Variants in POLR3G observed in about 807,000 individuals in gnomAD.
The protein encoded by POLR3G is DNA-directed RNA polymerase III subunit RPC7.
In POLR3G, 28 loss-of-function variants were observed where a neutral mutation model predicts 30.1. The ratio of observed to expected loss-of-function variants is 0.93; its 90% CI spans 0.69 to 1.27. The LOEUF (loss-of-function observed/expected upper bound fraction) is 1.27, where lower values mean the gene tolerates loss of function less well. Ranked by LOEUF, POLR3G falls within the 50% of genes most tolerant of loss-of-function variation. The pLI is 0.00. For missense variants in POLR3G, 254 were observed against 264.6 expected, an observed-to-expected ratio of 0.96 and a Z score of 0.28; for synonymous variants, 79 against 82.5, an observed-to-expected ratio of 0.96 and a Z score of 0.23.
chr5:90,492,356 G>A (rs932025149), intron 3 of POLR3G, among the ~76,000 whole-genome samples: 2 of 152,110 alleles, frequency 1.3e-5, no homozygotes, highest in African/African-American at 2.4e-5. Context: ...AAAATGAGAC[G>A]ATCATTTTTG....
chr5:90,476,625 A>T (rs1750838105), intron 1 of POLR3G, among the ~76,000 whole-genome samples: 1 of 152,228 alleles, frequency 6.6e-6, no homozygotes, highest in Admixed American at 6.5e-5. Flanking sequence ...TGAGCTCAGC[A>T]ATAATTTATC....
intron 5 of POLR3G, among the ~76,000 whole-genome samples, chr5:90,499,867 A>G (rs1007633111): frequency 6.6e-5 from 10 of 152,008 alleles, no homozygotes; most frequent in Non-Finnish European, 1.2e-4. Flanking sequence ...AAATATGACA[A>G]TTTATCTTCT....
intron 7 of POLR3G, among the ~76,000 whole-genome samples, chr5:90,510,354 G>A (rs566640226): frequency 6.6e-6 from 1 of 152,114 alleles, no homozygotes; most frequent in East Asian, 1.9e-4. Context: ...CTCCAGCCTG[G>A]GTGACAAGAG....
chr5:90,476,007 G>A (rs1750795039), intron 1 of POLR3G, among the ~76,000 whole-genome samples: 1 of 152,130 alleles, frequency 6.6e-6, no homozygotes, highest in Admixed American at 6.5e-5. Flanking sequence ...CACTACACCC[G>A]GCCAGAAGCA....
chr5:90,485,042 C>T (rs979882040), intron 1 of POLR3G, among the ~76,000 whole-genome samples: 7 of 151,906 alleles, frequency 4.6e-5, no homozygotes, highest in Admixed American at 3.3e-4. Context: ...TCTTTCGAGT[C>T]TCATTGATCC....
chr5:90,474,388 TGCCTGCA>T (rs1554037636), upstream of POLR3G: 1 of 1,165,642 alleles, frequency 8.6e-7, no homozygotes, highest in Non-Finnish European at 1.2e-6. Flanking sequence ...TGAAGCGGTC[TGCCTGCA>T]GCCAGGGAGG....
intron 1 of POLR3G, among the ~76,000 whole-genome samples, chr5:90,479,198 G>A (rs1561245803): frequency 6.6e-6 from 1 of 152,016 alleles, no homozygotes; most frequent in Non-Finnish European, 1.5e-5. Flanking sequence ...ACAGCCAGGC[G>A]CGGTGGCTCA....
At chr5:90,510,333 G>A (rs940843694) in intron 7 of POLR3G, among the ~76,000 whole-genome samples, 3 of 151,878 alleles carry the variant, frequency 2.0e-5, no homozygotes, top group East Asian at 1.9e-4. Context: ...AGCCGAGATC[G>A]CGCCACTGCA....
intron 3 of POLR3G, among the ~76,000 whole-genome samples, chr5:90,488,467 C>G (rs1004897698): frequency 1.9e-4 from 29 of 151,950 alleles, no homozygotes; most frequent in Admixed American, 1.3e-4. Context: ...CATGTATATT[C>G]TCTTTACAAA....
chr5:90,492,360 A>T (rs1377664905), intron 3 of POLR3G, among the ~76,000 whole-genome samples: 2 of 152,192 alleles, frequency 1.3e-5, no homozygotes, highest in Non-Finnish European at 2.9e-5. Context: ...TGAGACGATC[A>T]TTTTTGTTCT....
Position 90,487,999 on chromosome 5 carries a change from G to T in POLR3G, c.118-1G>T. The T allele has an allele frequency of 6.3e-7, 1 of 1,582,166 alleles. No homozygotes were observed. Among genetic ancestry groups the T allele is most frequent in the South Asian group, 1.2e-5 (1 of 84,710 alleles). ...AAATCTTTGTCTCTTAATTTAAACA[G>T]GATACAGATTATAAACCAGTGCCAC... On this transcript the variant is annotated splice_acceptor_variant, in intron 2 of 7. Transcript: ENST00000651687. LOFTEE classifies it high-confidence loss of function.
chr5:90,495,853 T>C (rs1430412892), intron 4 of POLR3G, 120 bp downstream of exon 4: 15 of 1,268,934 alleles, frequency 1.2e-5, no homozygotes, highest in Non-Finnish European at 1.5e-5. Context: ...GGTTCTTTTA[T>C]TGTGATTAAT....
intron 1 of POLR3G, among the ~76,000 whole-genome samples, chr5:90,476,400 T>C (rs1750820545): frequency 1.3e-5 from 2 of 152,178 alleles, no homozygotes; most frequent in Admixed American, 1.3e-4. Flanking sequence ...AAATAAAGCA[T>C]TACGGGGTAT....
intron 6 of POLR3G, 91 bp from the exon 7 acceptor site, chr5:90,506,437 A>G: frequency 6.8e-7 from 1 of 1,467,716 alleles, no homozygotes; most frequent in South Asian, 1.6e-5. Context: ...GGAGTAGAAT[A>G]AGGTGATAGA....
chr5:90,478,649 C>A (rs868443626), intron 1 of POLR3G, among the ~76,000 whole-genome samples: 1 of 141,668 alleles, frequency 7.1e-6, no homozygotes, highest in Non-Finnish European at 1.5e-5. Context: ...CTCCACCTCC[C>A]GGGTTCAAGT....
intron 6 of POLR3G, among the ~76,000 whole-genome samples, chr5:90,503,533 G>A (rs1319928557): frequency 6.6e-6 from 1 of 152,182 alleles, no homozygotes; most frequent in Non-Finnish European, 1.5e-5. Flanking sequence ...AAGGAAGATT[G>A]ATCTGGACCT....
chr5:90,474,456 G>GGAAGGACGCA, upstream of POLR3G: 5 of 655,362 alleles, frequency 7.6e-6, no homozygotes, highest in South Asian at 1.9e-5. Flanking sequence ...AATAGGAGGA[G>GGAAGGACGCA]GAAGGACGCA....
chr5:90,508,178 T>G (rs1339402244), intron 7 of POLR3G, among the ~76,000 whole-genome samples: 1 of 152,242 alleles, frequency 6.6e-6, no homozygotes, highest in Non-Finnish European at 1.5e-5. Context: ...TTTGATCAAC[T>G]TCTTTCTTCT....
intron 3 of POLR3G, among the ~76,000 whole-genome samples, chr5:90,489,751 C>G (rs1751627101): frequency 6.6e-6 from 1 of 152,064 alleles, no homozygotes. Flanking sequence ...GATCTTTTCT[C>G]TATGACACAG....
Sources: allele counts gnomAD v4.1 joint callset (sites outside exome capture counted in the v4.1 genomes callset), GRCh38; gene constraint gnomAD v4.1.1; transcripts MANE v1.5; gene names NCBI Gene and HGNC (gene_info 2026-07-23, HGNC 2026-07-21).